The following ITGB5 variants were observed in gnomAD, a reference collection of about 807,000 sequenced individuals.
ITGB5 encodes the protein integrin beta-5.
ITGB5 carries 38 observed loss-of-function variants against 84.8 expected under a neutral mutation model. That is an observed-to-expected ratio of 0.45 (90% CI 0.35 to 0.59). ITGB5 has a LOEUF of 0.59. ITGB5 is among the 20% of genes least tolerant of loss of function. The pLI is 0.01. For missense variants in ITGB5, 905 were observed against 1,034.5 expected (o/e 0.87, Z 1.72); for synonymous variants, 393 against 414.4 (o/e 0.95, Z 0.63).
intron 10 of ITGB5, among the ~76,000 whole-genome samples, chr3:124,775,439 C>T (rs3755706): frequency 0.16 from 25,042 of 151,792 alleles, 2,272 homozygotes; most frequent in Admixed American, 0.25. Flanking sequence ...GGAGTGTGAG[C>T]GTGCTGGACT....
chr3:124,869,396 T>G (rs981072255), intron 2 of ITGB5, among the ~76,000 whole-genome samples: 1 of 152,020 alleles, frequency 6.6e-6, no homozygotes, highest in Non-Finnish European at 1.5e-5. Flanking sequence ...GACAACATGG[T>G]GAAACCCCGT....
At chr3:124,847,356 G>GTGT in intron 4 of ITGB5, among the ~76,000 whole-genome samples, 1 of 152,340 alleles carries the variant, frequency 6.6e-6, no homozygotes, top group African/African-American at 2.4e-5. Context: ...AGTAGAGGTT[G>GTGT]TGTTGCATGG....
chr3:124,841,848 C>G (rs563700674), intron 4 of ITGB5, among the ~76,000 whole-genome samples: 1 of 152,354 alleles, frequency 6.6e-6, no homozygotes, highest in African/African-American at 2.4e-5. Context: ...TGGAGGAAGA[C>G]TTGACATAGG....
chr3:124,874,559 CAAG>C (rs1289880577), intron 1 of ITGB5, among the ~76,000 whole-genome samples: 1 of 152,048 alleles, frequency 6.6e-6, no homozygotes. Context: ...CAATCTTAAG[CAAG>C]AAGAACAAAG....
chr3:124,882,355 G>A (rs1169156137), intron 1 of ITGB5, among the ~76,000 whole-genome samples: 3 of 152,172 alleles, frequency 2.0e-5, no homozygotes, highest in South Asian at 2.1e-4. Flanking sequence ...AAAAGAACTC[G>A]GGATATAGGG....
At chr3:124,783,191 T>C (rs963431614) in intron 10 of ITGB5, among the ~76,000 whole-genome samples, 3 of 147,254 alleles carry the variant, frequency 2.0e-5, no homozygotes, top group Non-Finnish European at 4.4e-5. Context: ...CTCCAGAGGC[T>C]GAGACATGAT....
At chr3:124,791,621 C>G (rs573899047) in intron 10 of ITGB5, 1 of 152,516 alleles carries the variant, frequency 6.6e-6, no homozygotes, top group African/African-American at 2.4e-5. Context: ...CCCTCAACCC[C>G]ACTCTGAAGA....
intron 1 of ITGB5, among the ~76,000 whole-genome samples, chr3:124,893,615 G>T (rs1935043547): frequency 6.6e-6 from 1 of 152,106 alleles, no homozygotes; most frequent in Non-Finnish European, 1.5e-5. Context: ...CCTAGATGAT[G>T]GATGAACATG....
intron 10 of ITGB5, chr3:124,791,118 T>C: frequency 6.6e-6 from 1 of 152,220 alleles, no homozygotes; most frequent in Non-Finnish European, 1.5e-5. Context: ...ACTCAAAGTT[T>C]GAGCAAGAAT....
intron 1 of ITGB5, among the ~76,000 whole-genome samples, chr3:124,886,385 C>A (rs1392805956): frequency 6.6e-6 from 1 of 152,134 alleles, no homozygotes; most frequent in Non-Finnish European, 1.5e-5. Flanking sequence ...AGGCAGGCGG[C>A]TAGCCTAGGC....
intron 5 of ITGB5, among the ~76,000 whole-genome samples, chr3:124,826,083 A>G (rs1236683936): frequency 6.6e-6 from 1 of 152,212 alleles, no homozygotes; most frequent in East Asian, 1.9e-4. Flanking sequence ...CTACTTAAGA[A>G]ACAAGCATAA....
rs752139923 is a variant in ITGB5 at position 124,841,438 on chromosome 3, T to C, written c.725A>G (p.Asn242Ser). Reference sequence around the variant, plus strand: ...AAAGCCCCCCTCAGGGGCATCTCGGTTCCGGGACACCCTCTGTTTCCGAAC... The same window carrying C: ...AAAGCCCCCCTCAGGGGCATCTCGGCTCCGGGACACCCTCTGTTTCCGAAC... ...EEVRKQRVSR[N>S]RDAPEGGFDA... Residue 242 changes from asparagine to serine, a missense_variant, in exon 5 of 15, where the codon AAC (asparagine) becomes AGC (serine). Asn to Ser is a conservative substitution (Grantham distance 46). This residue lies in a region of ITGB5 where 656 missense variants were observed against 734.7 expected (regional missense o/e 0.89). Coordinates refer to ENST00000296181, the MANE Select transcript of ITGB5 (RefSeq NM_002213.5). 6.2e-7 allele frequency: 1 copy of C among 1,614,238 alleles called. No individual in the cohort carries two copies. Among genetic ancestry groups the C allele is most frequent in the Non-Finnish European group, 8.5e-7 (1 of 1,180,048 alleles).
chr3:124,843,253 C>T (rs1579283400), intron 4 of ITGB5, among the ~76,000 whole-genome samples: 1 of 152,176 alleles, frequency 6.6e-6, no homozygotes, highest in Non-Finnish European at 1.5e-5. Flanking sequence ...GGATCATAGG[C>T]CCAGAAGGAA....
intron 2 of ITGB5, among the ~76,000 whole-genome samples, chr3:124,871,040 C>CT (rs1201589772): frequency 5.3e-5 from 8 of 151,878 alleles, no homozygotes; most frequent in Admixed American, 1.3e-4. Flanking sequence ...CAGGCATGCA[C>CT]TAGCACACCC....
chr3:124,827,254 C>T (rs1252380702), intron 5 of ITGB5, among the ~76,000 whole-genome samples: 1 of 152,202 alleles, frequency 6.6e-6, no homozygotes. Context: ...ACCTCCTCAG[C>T]CTCAGTTCTT....
chr3:124,799,925 G>A (rs189354196), intron 9 of ITGB5, among the ~76,000 whole-genome samples: 2 of 152,300 alleles, frequency 1.3e-5, no homozygotes, highest in East Asian at 3.9e-4. Flanking sequence ...ACATCTTTCT[G>A]CCGTGGGCTG....
chr3:124,787,108 A>C (rs1020426191), intron 10 of ITGB5, among the ~76,000 whole-genome samples: 3 of 152,192 alleles, frequency 2.0e-5, no homozygotes, highest in Non-Finnish European at 4.4e-5. Flanking sequence ...TTCACAAGCC[A>C]AACCTCGTGA....
At chr3:124,848,582 G>T in intron 3 of ITGB5, 24 bp from the exon 4 acceptor site, 2 of 1,596,524 alleles carry the variant, frequency 1.3e-6, no homozygotes, top group Non-Finnish European at 1.7e-6. Flanking sequence ...GAGGCCACGT[G>T]TGTTAGAGGT....
chr3:124,848,625 T>C (rs377446377), intron 3 of ITGB5, 67 bp from the exon 4 acceptor site: 3 of 1,524,818 alleles, frequency 2.0e-6, no homozygotes, highest in South Asian at 2.5e-5. Context: ...GGGATGGGAT[T>C]TGCTTTCAAA....
Sources: gnomAD v4.1 joint callset for allele counts (sites outside exome capture counted in the v4.1 genomes callset) on GRCh38, gnomAD v4.1.1 for gene constraint, gnomAD v4.1.1 regional missense constraint, MANE v1.5 for transcripts, NCBI Gene and HGNC (gene_info 2026-07-23, HGNC 2026-07-21) for gene names.